The following ERC2 variants were observed in gnomAD, a reference collection of about 807,000 sequenced individuals.
The protein encoded by ERC2 is ERC protein 2.
Under a neutral mutation model 114.8 loss-of-function variants are expected in ERC2, and 42 were observed. That is an observed-to-expected ratio of 0.37 (90% CI 0.29 to 0.47). The LOEUF is 0.47. ERC2 is among the 20% of genes least tolerant of loss of function. The probability of loss-of-function intolerance (pLI) is 0.99; values close to 1 mark genes in which losing one functional copy is unlikely to be tolerated. For synonymous variants in ERC2, 454 were observed against 425.5 expected (o/e 1.07, Z -0.82); for missense variants, 939 against 1,150.7 (o/e 0.82, Z 2.66).
chr3:56,415,124 A>G lies in ERC2; in HGVS notation c.657+19227T>C, dbSNP rs539236995. 7.9e-5 allele frequency among the ~76,000 whole-genome samples: 12 copies of G among 152,354 alleles called. No homozygotes were observed. In the South Asian group the frequency reaches 2.5e-3, roughly 32 times the overall value. ...CCAGGTCACACAGCCAACTTGTAGC[A>G]GAGCCAGAATTGGACCTAGGCATCC... On this transcript the variant is annotated intron_variant, in intron 2 of 17. Coordinates refer to ENST00000288221, the MANE Select transcript of ERC2 (RefSeq NM_015576.3).
intron 14 of ERC2, among the ~76,000 whole-genome samples, chr3:55,784,954 G>A (rs2069365307): frequency 6.6e-6 from 1 of 152,182 alleles, no homozygotes; most frequent in South Asian, 2.1e-4. Context: ...AAGGAGAGCA[G>A]AGGAGATAAG....
chr3:55,884,003 T>C (rs545606067), intron 14 of ERC2, among the ~76,000 whole-genome samples: 4 of 152,328 alleles, frequency 2.6e-5, no homozygotes, highest in African/African-American at 9.6e-5. Flanking sequence ...GGCTGGTAGA[T>C]TGTACCAATA....
intron 2 of ERC2, among the ~76,000 whole-genome samples, chr3:56,397,672 TAGGATA>T (rs1316073141): frequency 1.3e-5 from 2 of 152,230 alleles, no homozygotes; most frequent in Admixed American, 6.5e-5. Flanking sequence ...GTGTATTATT[TAGGATA>T]AGGTCCAGCT....
At chr3:55,866,929 G>A (rs1902861) in intron 14 of ERC2, among the ~76,000 whole-genome samples, 13,788 of 151,968 alleles carry the variant, frequency 0.091, 698 homozygotes, top group South Asian at 0.16. Context: ...TATCTTTTAT[G>A]ATATAAAAGA....
intron 17 of ERC2, among the ~76,000 whole-genome samples, chr3:55,563,129 CTG>C (rs1354081333): frequency 6.6e-6 from 1 of 152,274 alleles, no homozygotes; most frequent in East Asian, 1.9e-4. Context: ...ACCAGAGAGA[CTG>C]TACACATATG....
At chr3:55,924,054 T>C (rs724334) in intron 13 of ERC2, among the ~76,000 whole-genome samples, 90,961 of 152,046 alleles carry the variant, frequency 0.6, 28,366 homozygotes, top group Non-Finnish European at 0.66. Flanking sequence ...AGGAGACAGA[T>C]TTGCCCTACT....
intron 13 of ERC2, among the ~76,000 whole-genome samples, chr3:55,898,131 C>G (rs1317121453): frequency 6.6e-6 from 1 of 152,180 alleles, no homozygotes; most frequent in Non-Finnish European, 1.5e-5. Context: ...ATACATCTGA[C>G]TTAACAGAGT....
At chr3:55,869,449 A>G (rs1040092803) in intron 14 of ERC2, among the ~76,000 whole-genome samples, 1 of 152,166 alleles carries the variant, frequency 6.6e-6, no homozygotes, top group Non-Finnish European at 1.5e-5. Context: ...CTGTTTAATC[A>G]TCAAATTCTT....
At chr3:55,798,272 G>A (rs979313220) in intron 14 of ERC2, among the ~76,000 whole-genome samples, 3 of 152,044 alleles carry the variant, frequency 2.0e-5, no homozygotes, top group African/African-American at 7.2e-5. Context: ...AGACCACAGA[G>A]CATTAAAGAA....
At chr3:55,909,114 C>A (rs1203726439) in intron 13 of ERC2, among the ~76,000 whole-genome samples, 1 of 152,178 alleles carries the variant, frequency 6.6e-6, no homozygotes, top group Non-Finnish European at 1.5e-5. Context: ...ATGGTAGGAC[C>A]AGCAGTCAAA....
intron 3 of ERC2, among the ~76,000 whole-genome samples, chr3:56,293,780 T>C (rs1487957538): frequency 6.6e-6 from 1 of 152,138 alleles, no homozygotes; most frequent in Admixed American, 6.5e-5. Flanking sequence ...ATGATCTATA[T>C]CCACACCAGA....
At chr3:55,637,452 G>T (rs1439692124) in intron 17 of ERC2, among the ~76,000 whole-genome samples, 1 of 152,298 alleles carries the variant, frequency 6.6e-6, no homozygotes, top group African/African-American at 2.4e-5. Flanking sequence ...AGAGGGAGAA[G>T]TGGAGTTCAG....
At chr3:56,226,696 A>T (rs2050269612) in intron 3 of ERC2, among the ~76,000 whole-genome samples, 1 of 152,136 alleles carries the variant, frequency 6.6e-6, no homozygotes, top group African/African-American at 2.4e-5. Flanking sequence ...CTACACTCTC[A>T]ACTGGTGGCC....
intron 14 of ERC2, among the ~76,000 whole-genome samples, chr3:55,882,477 G>A (rs1295298207): frequency 1.3e-5 from 2 of 152,168 alleles, no homozygotes; most frequent in Admixed American, 6.6e-5. Context: ...TTGGACTTCT[G>A]TATACATAGG....
intron 1 of ERC2, among the ~76,000 whole-genome samples, chr3:56,453,693 T>A (rs1011731390): frequency 6.6e-6 from 1 of 152,200 alleles, no homozygotes; most frequent in Non-Finnish European, 1.5e-5. Flanking sequence ...AACCAACTAT[T>A]TTAATTGCCT....
intron 14 of ERC2, among the ~76,000 whole-genome samples, chr3:55,786,714 T>C (rs998190009): frequency 3.5e-4 from 53 of 152,264 alleles, no homozygotes; most frequent in African/African-American, 1.2e-3. Flanking sequence ...CTTGACTGCA[T>C]TGCCATTCTA....
In ERC2 at chr3:55,580,574, C is replaced by T. The variant is rs529798303; in HGVS notation, c.*40-69298G>A. 9.2e-5 allele frequency among the ~76,000 whole-genome samples: 14 copies of T among 152,226 alleles called. No individual in the cohort carries two copies. The South Asian group carries it at 2.9e-3, about 32-fold the overall frequency. ...CATAAGGGTGCTGGCTAGAGCAGAACCCAAGGGCTTGGTAAGTGTGATATT... is the reference window on the plus strand; with the variant it reads ...CATAAGGGTGCTGGCTAGAGCAGAATCCAAGGGCTTGGTAAGTGTGATATT... On this transcript the variant is annotated intron_variant, in intron 17 of 17. Transcript: ENST00000288221.
At chr3:55,906,189 AG>A (rs36053278) in intron 13 of ERC2, among the ~76,000 whole-genome samples, 108,314 of 151,674 alleles carry the variant, frequency 0.71, 38,936 homozygotes, top group Admixed American at 0.78. Context: ...AAGTAGTGGC[AG>A]GGGGGGCCGG....
intron 6 of ERC2, among the ~76,000 whole-genome samples, chr3:56,091,061 C>T (rs1044287666): frequency 6.6e-6 from 1 of 152,004 alleles, no homozygotes; most frequent in Non-Finnish European, 1.5e-5. Context: ...AAGGATGGGA[C>T]AATTTGATGC....
Sources: allele counts gnomAD v4.1 joint callset (sites outside exome capture counted in the v4.1 genomes callset), GRCh38; gene constraint gnomAD v4.1.1; transcripts MANE v1.5; gene names NCBI Gene and HGNC (gene_info 2026-07-23, HGNC 2026-07-21).